The following CDH13 variants were observed in gnomAD, a reference collection of about 807,000 sequenced individuals.
The protein encoded by CDH13 is cadherin-13.
CDH13 carries 24 observed loss-of-function variants against 63.8 expected under a neutral mutation model. That is an observed-to-expected ratio of 0.38 (90% CI 0.27 to 0.53). The LOEUF is 0.53. Ranked by LOEUF, CDH13 falls within the 20% of genes least tolerant of loss-of-function variation. The pLI is 0.85. For missense variants in CDH13, 1,049 were observed against 903.1 expected (o/e 1.16, Z -2.07); for synonymous variants, 503 against 355.3 (o/e 1.42, Z -4.67).
intron 2 of CDH13, among the ~76,000 whole-genome samples, chr16:82,938,708 A>C (rs2042742957): frequency 6.6e-6 from 1 of 152,220 alleles, no homozygotes; most frequent in Non-Finnish European, 1.5e-5. Flanking sequence ...AGTACTGCAC[A>C]CAAGACAAGG....
chr16:82,766,853 CCGA>C (rs2035074281), intron 1 of CDH13, among the ~76,000 whole-genome samples: 1 of 151,714 alleles, frequency 6.6e-6, no homozygotes, highest in Non-Finnish European at 1.5e-5. Context: ...GTATTTGTAC[CCGA>C]CATACAATAT....
At chr16:82,839,239 G>T (rs146106016) in intron 1 of CDH13, among the ~76,000 whole-genome samples, 1 of 152,076 alleles carries the variant, frequency 6.6e-6, no homozygotes, top group Admixed American at 6.5e-5. Flanking sequence ...CCATGTGGCC[G>T]CGTCTTTTGG....
rs142085530 is a variant in CDH13 at position 83,236,162 on chromosome 16, T to C, written c.636+18665T>C. ...GACCTGAAAAGGATTTAGATATTAA[T>C]ATAGAATAACTTTTCCAAACTAGTT... On this transcript the variant is annotated intron_variant, in intron 5 of 13. Transcript: ENST00000567109. 3.6e-3 allele frequency among the ~76,000 whole-genome samples: 555 copies of C among 152,140 alleles called. 5 individuals are homozygous for C. Among genetic ancestry groups the C allele is most frequent in the African/African-American group, 0.012 (496 of 41,512 alleles).
chr16:83,020,625 G>A (rs1915258951), intron 2 of CDH13, among the ~76,000 whole-genome samples: 1 of 152,228 alleles, frequency 6.6e-6, no homozygotes, highest in African/African-American at 2.4e-5. Flanking sequence ...TTTGAGTTGT[G>A]TATGTAGCTT....
chr16:83,266,186 C>G (rs1287053260), intron 5 of CDH13, among the ~76,000 whole-genome samples: 1 of 152,114 alleles, frequency 6.6e-6, no homozygotes, highest in African/African-American at 2.4e-5. Context: ...GATCAACCCA[C>G]CTCAGCCTCC....
intron 9 of CDH13, among the ~76,000 whole-genome samples, chr16:83,676,687 G>T (rs546031136): frequency 6.6e-6 from 1 of 152,228 alleles, no homozygotes; most frequent in Non-Finnish European, 1.5e-5. Context: ...TACTGACCCT[G>T]CTGGGAGTTG....
At chr16:82,871,066 AG>A (rs1302611235) in intron 2 of CDH13, among the ~76,000 whole-genome samples, 1 of 152,218 alleles carries the variant, frequency 6.6e-6, no homozygotes, top group Non-Finnish European at 1.5e-5. Context: ...ACCATCTTGA[AG>A]TTTTTGATGC....
chr16:82,770,335 A>C (rs1174838685), intron 1 of CDH13, among the ~76,000 whole-genome samples: 1 of 152,232 alleles, frequency 6.6e-6, no homozygotes, highest in Non-Finnish European at 1.5e-5. Context: ...ATTCTCCTTA[A>C]TTAGAGAAAA....
chr16:82,667,331 C>T (rs376306847), intron 1 of CDH13, among the ~76,000 whole-genome samples: 7 of 152,138 alleles, frequency 4.6e-5, no homozygotes, highest in African/African-American at 1.2e-4. Flanking sequence ...GGGAGGCTTG[C>T]GAAGGCGCGT....
intron 5 of CDH13, among the ~76,000 whole-genome samples, chr16:83,269,678 C>G (rs2088739010): frequency 6.6e-6 from 1 of 152,170 alleles, no homozygotes; most frequent in Admixed American, 6.5e-5. Flanking sequence ...CACTGACCAT[C>G]TCTGCCCAGT....
intron 1 of CDH13, among the ~76,000 whole-genome samples, chr16:82,680,961 G>A (rs372301638): frequency 1.3e-5 from 2 of 152,334 alleles, no homozygotes; most frequent in African/African-American, 2.4e-5. Context: ...AGAGAAGAAA[G>A]TGAGAAGAGA....
chr16:83,596,866 T>C (rs1907310968), intron 7 of CDH13, among the ~76,000 whole-genome samples: 1 of 152,178 alleles, frequency 6.6e-6, no homozygotes, highest in African/African-American at 2.4e-5. Flanking sequence ...ATAATGTTCA[T>C]TACAGAAAAA....
intron 5 of CDH13, among the ~76,000 whole-genome samples, chr16:83,277,831 A>G (rs1038407567): frequency 1.3e-5 from 2 of 152,180 alleles, no homozygotes; most frequent in African/African-American, 4.8e-5. Flanking sequence ...GTAATTTGGT[A>G]ATCTTTTTAG....
At chr16:83,444,598 A>G (rs571621890) in intron 6 of CDH13, among the ~76,000 whole-genome samples, 10 of 152,300 alleles carry the variant, frequency 6.6e-5, no homozygotes, top group East Asian at 5.8e-4. Flanking sequence ...GTGAAGAGCC[A>G]GTCATAGTGC....
chr16:83,448,309 C>A (rs999671524), intron 6 of CDH13, among the ~76,000 whole-genome samples: 1 of 152,192 alleles, frequency 6.6e-6, no homozygotes, highest in East Asian at 1.9e-4. Context: ...CATGCAGACA[C>A]CATCATGGTA....
chr16:83,335,696 G>A (rs776505967), intron 5 of CDH13, among the ~76,000 whole-genome samples: 17 of 152,128 alleles, frequency 1.1e-4, no homozygotes, highest in African/African-American at 1.7e-4. Context: ...TTATCTATAG[G>A]TTACAGAAAT....
At chr16:82,842,149 T>TATAC (rs1567590582) in intron 1 of CDH13, among the ~76,000 whole-genome samples, 7 of 37,608 alleles carry the variant, frequency 1.9e-4, no homozygotes, top group Non-Finnish European at 3.0e-4. Flanking sequence ...CACATATATA[T>TATAC]ATATATATAT....
intron 7 of CDH13, among the ~76,000 whole-genome samples, chr16:83,546,990 G>A (rs554358480): frequency 3.2e-4 from 49 of 152,280 alleles, no homozygotes; most frequent in African/African-American, 1.2e-3. Flanking sequence ...TGAACAGCCT[G>A]GCTTCAACTT....
intron 7 of CDH13, among the ~76,000 whole-genome samples, chr16:83,529,080 A>AGG (rs2075025478): frequency 7.1e-6 from 1 of 141,612 alleles, no homozygotes; most frequent in East Asian, 2.1e-4. Context: ...CCTCCCCATG[A>AGG]ATACCTCTGT....
Sources: allele counts gnomAD v4.1 joint callset (sites outside exome capture counted in the v4.1 genomes callset), GRCh38; gene constraint gnomAD v4.1.1; transcripts MANE v1.5; gene names NCBI Gene and HGNC (gene_info 2026-07-23, HGNC 2026-07-21).